HECW1: variants seen among roughly 807,000 people sequenced by gnomAD.
HECW1 encodes HECT, C2 and WW domain containing E3 ubiquitin protein ligase 1.
HECW1 carries 61 observed loss-of-function variants against 182.3 expected under a neutral mutation model. The observed-to-expected ratio is 0.33, with a 90% CI of 0.27 to 0.41. The LOEUF (loss-of-function observed/expected upper bound fraction) is 0.41. HECW1 is among the 10% of genes least tolerant of loss of function. The pLI is 1.00. For missense variants in HECW1, 1,739 were observed against 2,108.9 expected, an observed-to-expected ratio of 0.82 and a Z score of 3.44; for synonymous variants, 859 against 832.6, an observed-to-expected ratio of 1.03 and a Z score of -0.55.
At position 43,283,008 on chromosome 7, in the gene HECW1, C is replaced by T. The variant is rs539660869; in HGVS notation, c.28-28755C>T. Among the ~76,000 whole-genome samples, 13 of 152,118 alleles carry T rather than the reference C, an allele frequency of 8.5e-5. No homozygotes were observed. In the South Asian group the frequency reaches 2.5e-3, roughly 29 times the overall value. ...TGGCAAGCAGCTGTAATCCCAGCTA[C>T]TCGGGAGGCTGAGGCAGGAGAATTG... On this transcript the variant is annotated intron_variant, in intron 3 of 29. Coordinates refer to ENST00000395891, the MANE Select transcript of HECW1 (RefSeq NM_015052.5).
intron 12 of HECW1, among the ~76,000 whole-genome samples, chr7:43,455,433 A>G (rs2077369126): frequency 6.6e-6 from 1 of 152,194 alleles, no homozygotes; most frequent in Non-Finnish European, 1.5e-5. Context: ...CACATCCAAG[A>G]TTTTAGAACA....
At chr7:43,298,086 GA>G in intron 3 of HECW1, among the ~76,000 whole-genome samples, 1 of 151,534 alleles carries the variant, frequency 6.6e-6, no homozygotes, top group African/African-American at 2.4e-5. Context: ...GGAAAAATAG[GA>G]AAAAAAACAA....
At chr7:43,427,940 G>T (rs1313385500) in intron 8 of HECW1, among the ~76,000 whole-genome samples, 2 of 152,102 alleles carry the variant, frequency 1.3e-5, no homozygotes, top group Non-Finnish European at 2.9e-5. Flanking sequence ...ATTAGGTCAG[G>T]CTCACCCAAA....
intron 3 of HECW1, among the ~76,000 whole-genome samples, chr7:43,247,691 G>A (rs1317887770): frequency 7.2e-6 from 1 of 139,702 alleles, no homozygotes; most frequent in Non-Finnish European, 1.6e-5. Flanking sequence ...GAGGGAGGGA[G>A]GAAGGAAGGG....
At chr7:43,353,310 A>G (rs1814688375) in intron 5 of HECW1, among the ~76,000 whole-genome samples, 1 of 152,186 alleles carries the variant, frequency 6.6e-6, no homozygotes, top group African/African-American at 2.4e-5. Flanking sequence ...TAGGTTAAAT[A>G]AAAGGAAGAT....
intron 2 of HECW1, among the ~76,000 whole-genome samples, chr7:43,238,255 AG>A (rs1331521942): frequency 6.6e-6 from 1 of 152,128 alleles, no homozygotes; most frequent in Non-Finnish European, 1.5e-5. Context: ...ACTGGTGGGG[AG>A]GGGTCCCAGC....
At chr7:43,422,520 G>C (rs1327444586) in intron 8 of HECW1, among the ~76,000 whole-genome samples, 1 of 151,636 alleles carries the variant, frequency 6.6e-6, no homozygotes, top group African/African-American at 2.4e-5. Context: ...ACATCACTAC[G>C]CCTGGTTAAT....
intron 6 of HECW1, among the ~76,000 whole-genome samples, chr7:43,366,193 A>C (rs1816634412): frequency 6.6e-6 from 1 of 152,110 alleles, no homozygotes; most frequent in South Asian, 2.1e-4. Context: ...CCCTGAGCAG[A>C]GGTAAGAGTT....
chr7:43,169,470 A>G (rs905399733), intron 2 of HECW1, among the ~76,000 whole-genome samples: 1 of 152,074 alleles, frequency 6.6e-6, no homozygotes, highest in Non-Finnish European at 1.5e-5. Flanking sequence ...TGGGAGATAC[A>G]CCCTTTTCCC....
At chr7:43,274,396 G>C (rs1802821681) in intron 3 of HECW1, 1 of 634,648 alleles carries the variant, frequency 1.6e-6, no homozygotes, top group African/African-American at 1.8e-5. Flanking sequence ...GAACTTCAGC[G>C]TCTGGCTGCT....
rs534755068 is a variant in HECW1, at chr7:43,303,427, T to G, written c.28-8336T>G. Among the ~76,000 whole-genome samples the G allele has an allele frequency of 3.3e-5, 5 of 150,368 alleles. No individual in the cohort carries two copies. In the South Asian group the frequency reaches 1.1e-3, roughly 32 times the overall value. Reference sequence around the variant, plus strand: ...ACACTTATTGGTGGATTTTTTTTTATGAGCGATAAGGCATTATGTGTTCCT... The same window carrying G: ...ACACTTATTGGTGGATTTTTTTTTAGGAGCGATAAGGCATTATGTGTTCCT... On this transcript the variant is annotated intron_variant, in intron 3 of 29. Coordinates refer to ENST00000395891, the MANE Select transcript of HECW1 (RefSeq NM_015052.5).
intron 3 of HECW1, among the ~76,000 whole-genome samples, chr7:43,273,218 T>C (rs1168509056): frequency 6.6e-6 from 1 of 152,034 alleles, no homozygotes; most frequent in Non-Finnish European, 1.5e-5. Context: ...AATTGCTGGG[T>C]ACAATGCTCA....
chr7:43,114,529 G>A, intron 2 of HECW1, 138 bp downstream of exon 2: 1 of 744,508 alleles, frequency 1.3e-6, no homozygotes, highest in Non-Finnish European at 1.9e-6. Context: ...ATTCCCTGTT[G>A]GTAGAATTCC....
intron 3 of HECW1, among the ~76,000 whole-genome samples, chr7:43,284,775 A>C (rs967178403): frequency 2.6e-5 from 4 of 152,178 alleles, no homozygotes; most frequent in Non-Finnish European, 4.4e-5. Context: ...ATTTACAAGT[A>C]TTATTCCATT....
chr7:43,274,175 C>T lies in HECW1; in HGVS notation c.27+30243C>T, dbSNP rs1802787283. 4 of 457,512 alleles carry T rather than the reference C, an allele frequency of 8.7e-6. No homozygotes were observed. The South Asian group carries it at 1.4e-4, about 16-fold the overall frequency. The allele number at this position is 457,512 out of a possible 1,614,324, so 28.3% of individuals were successfully genotyped here. On this transcript the variant is annotated intron_variant, in intron 3 of 29. Coordinates refer to ENST00000395891, the MANE Select transcript of HECW1 (RefSeq NM_015052.5). ...AAGGACGCCATGAAGGCCTCGGGTG[C>T]ACTAAAAGAGTACAAGGTGGTGGTC...
At chr7:43,119,119 TCAC>T (rs1461614579) in intron 2 of HECW1, 2 of 152,304 alleles carry the variant, frequency 1.3e-5, no homozygotes, top group Non-Finnish European at 2.9e-5. Context: ...GACCAGAAGA[TCAC>T]CATCTTATTT....
In HECW1 at chr7:43,514,529, T is replaced by C. The variant is rs183016611; in HGVS notation, c.4019+5408T>C. On this transcript the variant is annotated intron_variant, in intron 24 of 29. Coordinates refer to ENST00000395891, the MANE Select transcript of HECW1 (RefSeq NM_015052.5). ...GTCTCAAACTCCTGACCTCAGGTGA[T>C]CCATCCTCCTTGGCCTCCCAAAGTG... Among the ~76,000 whole-genome samples the C allele has an allele frequency of 4.3e-3, 648 of 152,242 alleles. 3 individuals carry two copies. Among genetic ancestry groups the C allele is most frequent in the African/African-American group, 0.015 (609 of 41,562 alleles).
chr7:43,364,978 A>G (rs1482233982), intron 6 of HECW1, among the ~76,000 whole-genome samples: 1 of 152,242 alleles, frequency 6.6e-6, no homozygotes, highest in Non-Finnish European at 1.5e-5. Context: ...GCCCATCACG[A>G]CAGTTTGCCA....
intron 2 of HECW1, among the ~76,000 whole-genome samples, chr7:43,174,547 G>A (rs1792016528): frequency 6.6e-6 from 1 of 152,176 alleles, no homozygotes; most frequent in Non-Finnish European, 1.5e-5. Context: ...ACTAGCCCCT[G>A]AGCGAGGTTC....
Sources: gnomAD v4.1 joint callset for allele counts (sites outside exome capture counted in the v4.1 genomes callset) on GRCh38, gnomAD v4.1.1 for gene constraint, MANE v1.5 for transcripts, NCBI Gene and HGNC (gene_info 2026-07-23, HGNC 2026-07-21) for gene names.